The following MMP16 variants were observed in gnomAD, a reference collection of about 807,000 sequenced individuals.
MMP16 encodes matrix metallopeptidase 16.
In MMP16, 12 loss-of-function variants were observed where a neutral mutation model predicts 67.8. The ratio of observed to expected loss-of-function variants is 0.18; its 90% CI spans 0.11 to 0.29. MMP16 has a LOEUF of 0.29. Among genes scored for constraint, MMP16 ranks in the 10% least tolerant of loss-of-function variants. MMP16 has a pLI of 1.00. For synonymous variants in MMP16, 249 were observed against 255.9 expected, an observed-to-expected ratio of 0.97 and a Z score of 0.26; for missense variants, 475 against 765.7, an observed-to-expected ratio of 0.62 and a Z score of 4.48.
intron 6 of MMP16, among the ~76,000 whole-genome samples, chr8:88,087,989 A>G (rs1291906866): frequency 7.1e-6 from 1 of 141,216 alleles, no homozygotes; most frequent in Admixed American, 6.9e-5. Flanking sequence ...ATATATATCT[A>G]TATCTATCTC....
At chr8:88,069,596 G>A in intron 7 of MMP16, 1 of 452,888 alleles carries the variant, frequency 2.2e-6, no homozygotes, top group Non-Finnish European at 4.3e-6. Context: ...ATTTAGGCAG[G>A]CTTATTGCTA....
intron 8 of MMP16, among the ~76,000 whole-genome samples, chr8:88,049,515 G>C (rs1372538166): frequency 2.0e-5 from 3 of 152,030 alleles, no homozygotes; most frequent in Non-Finnish European, 2.9e-5. Context: ...GTCTTGCAGA[G>C]AAACAGTCAA....
chr8:88,283,382 T>TA (rs1219841617), intron 1 of MMP16, among the ~76,000 whole-genome samples: 6 of 152,198 alleles, frequency 3.9e-5, no homozygotes, highest in Non-Finnish European at 5.9e-5. Context: ...GACAGATGTG[T>TA]AACACTAGAC....
intron 6 of MMP16, among the ~76,000 whole-genome samples, chr8:88,091,909 C>T (rs374433621): frequency 6.6e-6 from 1 of 151,826 alleles, no homozygotes; most frequent in East Asian, 1.9e-4. Flanking sequence ...AGAGTACCTT[C>T]ATCATTGCAG....
chr8:88,281,005 G>T (rs988154590), intron 1 of MMP16, among the ~76,000 whole-genome samples: 3 of 152,200 alleles, frequency 2.0e-5, no homozygotes, highest in Admixed American at 6.5e-5. Flanking sequence ...GTACACATGA[G>T]ATCAGGAGAG....
chr8:88,081,754 GT>G (rs542407854), intron 6 of MMP16, among the ~76,000 whole-genome samples: 17 of 151,846 alleles, frequency 1.1e-4, no homozygotes, highest in South Asian at 2.1e-4. Flanking sequence ...AGTAAAAACA[GT>G]TTTTTTTATA....
intron 4 of MMP16, among the ~76,000 whole-genome samples, chr8:88,142,357 T>C (rs1250664555): frequency 6.6e-6 from 1 of 152,144 alleles, no homozygotes; most frequent in Admixed American, 6.6e-5. Context: ...TAAAGCTATA[T>C]ATTAGTCATT....
In MMP16 at chr8:88,210,222, C is replaced by T. The variant is rs144877248; in HGVS notation, c.133-12916G>A. ...TTGAGTAAGACAAAGAAACAGAGGG[C>T]TTCCCTGACTACTTCACCACTCAAA... is the stretch of plus-strand genomic sequence containing the variant. On this transcript the variant is annotated intron_variant, in intron 1 of 9. Transcript: ENST00000286614. Among the ~76,000 whole-genome samples, 961 of 152,308 alleles carry T rather than the reference C, an allele frequency of 6.3e-3. 8 individuals carry two copies. The highest frequency in any genetic ancestry group is 0.022 in the African/African-American group (910 of 41,566).
intron 1 of MMP16, among the ~76,000 whole-genome samples, chr8:88,290,078 C>T (rs934258752): frequency 1.3e-5 from 2 of 152,000 alleles, no homozygotes; most frequent in African/African-American, 4.8e-5. Flanking sequence ...CAGGAAAATG[C>T]CATAAGTATT....
At chr8:88,241,328 C>T (rs1316289732) in intron 1 of MMP16, among the ~76,000 whole-genome samples, 6 of 151,912 alleles carry the variant, frequency 3.9e-5, no homozygotes, top group African/African-American at 1.5e-4. Flanking sequence ...CTTTTCTTAC[C>T]ATATTTCTTT....
At chr8:88,282,475 C>T (rs1242668101) in intron 1 of MMP16, among the ~76,000 whole-genome samples, 1 of 152,192 alleles carries the variant, frequency 6.6e-6, no homozygotes, top group Non-Finnish European at 1.5e-5. Flanking sequence ...TGTAGGAATA[C>T]TAAAACATAT....
chr8:88,061,788 C>A (rs1395696986), intron 7 of MMP16, among the ~76,000 whole-genome samples: 1 of 152,012 alleles, frequency 6.6e-6, no homozygotes, highest in Non-Finnish European at 1.5e-5. Flanking sequence ...AAAATACTTT[C>A]CTGTACTGTT....
At chr8:88,056,808 C>T (rs997744341) in intron 7 of MMP16, among the ~76,000 whole-genome samples, 1 of 152,048 alleles carries the variant, frequency 6.6e-6, no homozygotes, top group Non-Finnish European at 1.5e-5. Flanking sequence ...GACCTCATGC[C>T]CTCTTATAAC....
chr8:88,265,471 T>C (rs1415444723), intron 1 of MMP16, among the ~76,000 whole-genome samples: 1 of 152,102 alleles, frequency 6.6e-6, no homozygotes, highest in African/African-American at 2.4e-5. Flanking sequence ...TGGGAGAGAA[T>C]GATCATTAAC....
chr8:88,158,060 C>T (rs1209615748), intron 4 of MMP16, among the ~76,000 whole-genome samples: 1 of 152,098 alleles, frequency 6.6e-6, no homozygotes, highest in Admixed American at 6.6e-5. Context: ...TTTTCTTAAT[C>T]CAGTCTATCA....
intron 4 of MMP16, among the ~76,000 whole-genome samples, chr8:88,154,406 A>T (rs1308242894): frequency 1.4e-5 from 2 of 140,240 alleles, no homozygotes; most frequent in Admixed American, 7.3e-5. Flanking sequence ...TGCTATAAAG[A>T]CACATGCACA....
chr8:88,289,721 CACACA>C (rs1810891589), intron 1 of MMP16, among the ~76,000 whole-genome samples: 1 of 151,532 alleles, frequency 6.6e-6, no homozygotes, highest in African/African-American at 2.4e-5. Flanking sequence ...CACACACACA[CACACA>C]CACACCCCAC....
chr8:88,104,733 C>G (rs574138777), intron 6 of MMP16, among the ~76,000 whole-genome samples: 325 of 151,512 alleles, frequency 2.1e-3, no homozygotes, highest in Non-Finnish European at 3.8e-3. Context: ...TCAGAAAGGT[C>G]CTTCGGGAGG....
intron 1 of MMP16, among the ~76,000 whole-genome samples, chr8:88,280,373 A>AT (rs779004620): frequency 3.9e-5 from 6 of 152,126 alleles, no homozygotes; most frequent in Non-Finnish European, 4.4e-5. Flanking sequence ...AAAAGGAAAG[A>AT]TTTTTTCTGT....
Sources: allele counts gnomAD v4.1 joint callset (sites outside exome capture counted in the v4.1 genomes callset), GRCh38; gene constraint gnomAD v4.1.1; transcripts MANE v1.5; gene names NCBI Gene and HGNC (gene_info 2026-07-23, HGNC 2026-07-21).